The following DNAI7 variants were observed in gnomAD, a reference collection of about 807,000 sequenced individuals.
DNAI7 encodes cancer susceptibility 1.
A neutral mutation model predicts 86.6 loss-of-function variants in DNAI7; 78 were observed. The ratio of observed to expected loss-of-function variants is 0.90; its 90% CI spans 0.75 to 1.09. The LOEUF (loss-of-function observed/expected upper bound fraction) is 1.09. DNAI7 is among the 50% of genes least tolerant of loss of function. The pLI is 0.00. For missense variants in DNAI7, 753 were observed against 810.2 expected, an observed-to-expected ratio of 0.93 and a Z score of 0.86; for synonymous variants, 274 against 273.0, an observed-to-expected ratio of 1.00 and a Z score of -0.04.
rs953667246 is a variant in DNAI7 at position 25,195,089 on chromosome 12, G to C, written c.-11C>G. The C allele has an allele frequency of 3.1e-6, 5 of 1,614,002 alleles. No individual in the cohort carries two copies. In the African/African-American group the frequency reaches 5.3e-5, roughly 17 times the overall value. On this transcript the variant is annotated 5_prime_UTR_variant, in exon 1 of 16. Coordinates refer to ENST00000395987, the MANE Select transcript of DNAI7 (RefSeq NM_018272.5). The stretch of plus-strand genomic sequence containing the variant: ...TGCCTTGCTCACCATTAAGAGTCAA[G>C]CTCCACTGCAGTAGTCCGCAGAGTC...
chr12:25,166,960 C>T (rs1947552423), intron 2 of DNAI7, among the ~76,000 whole-genome samples: 2 of 152,126 alleles, frequency 1.3e-5, no homozygotes, highest in Non-Finnish European at 2.9e-5. Context: ...TTGAGTCTCC[C>T]ACAATTACCA....
chr12:25,121,652 T>C, intron 11 of DNAI7, 101 bp downstream of exon 11: 1 of 940,756 alleles, frequency 1.1e-6, no homozygotes, highest in Non-Finnish European at 1.6e-6. Flanking sequence ...TTCCTTTGTG[T>C]TTAATAAGGT....
At chr12:25,160,910 C>A (rs1310563263) in intron 3 of DNAI7, among the ~76,000 whole-genome samples, 1 of 152,038 alleles carries the variant, frequency 6.6e-6, no homozygotes, top group Non-Finnish European at 1.5e-5. Context: ...TTATCTCTGG[C>A]AACCCTAATT....
intron 14 of DNAI7, 140 bp from the exon 15 acceptor site, chr12:25,110,380 C>T: frequency 1.6e-6 from 1 of 614,128 alleles, no homozygotes; most frequent in Non-Finnish European, 2.9e-6. Flanking sequence ...CCTCTCTCAA[C>T]ACTGGGCAAT....
intron 12 of DNAI7, among the ~76,000 whole-genome samples, chr12:25,115,561 A>G (rs1333508913): frequency 6.6e-6 from 1 of 152,216 alleles, no homozygotes; most frequent in African/African-American, 2.4e-5. Flanking sequence ...TGAAAGGCTA[A>G]TAAGTACTTA....
At chr12:25,152,075 T>C (rs931460434) in intron 6 of DNAI7, among the ~76,000 whole-genome samples, 1 of 152,250 alleles carries the variant, frequency 6.6e-6, no homozygotes, top group Admixed American at 6.5e-5. Context: ...TTATCCTAAC[T>C]TGACGTGACA....
chr12:25,139,706 G>C (rs967149472), intron 9 of DNAI7, among the ~76,000 whole-genome samples: 4 of 152,102 alleles, frequency 2.6e-5, no homozygotes, highest in Admixed American at 2.6e-4. Flanking sequence ...CGGGGGATGG[G>C]GTGATAGGGG....
chr12:25,164,693 G>A (rs1947236912), intron 2 of DNAI7, among the ~76,000 whole-genome samples: 1 of 152,044 alleles, frequency 6.6e-6, no homozygotes, highest in African/African-American at 2.4e-5. Context: ...TGTTCCCAGT[G>A]CAACTCATCC....
chr12:25,111,231 C>T (rs1938752774), intron 14 of DNAI7, among the ~76,000 whole-genome samples: 1 of 152,154 alleles, frequency 6.6e-6, no homozygotes, highest in Admixed American at 6.5e-5. Flanking sequence ...ATGCTAGATG[C>T]TAGAAGAATC....
intron 2 of DNAI7, among the ~76,000 whole-genome samples, chr12:25,176,906 T>C (rs999354954): frequency 1.4e-5 from 2 of 146,728 alleles, no homozygotes; most frequent in Admixed American, 6.8e-5. Context: ...ATTTTCTTTT[T>C]TTTTTTTTTT....
At chr12:25,125,353 C>T (rs142685511) in intron 9 of DNAI7, among the ~76,000 whole-genome samples, 11,008 of 152,186 alleles carry the variant, frequency 0.072, 422 homozygotes, top group South Asian at 0.13. Context: ...TTTTGATTTA[C>T]ATTTCTCTAA....
intron 5 of DNAI7, 40 bp downstream of exon 5, chr12:25,155,271 G>C: frequency 9.2e-7 from 1 of 1,083,852 alleles, no homozygotes; most frequent in South Asian, 1.5e-5. Flanking sequence ...CCCTCTTGTG[G>C]TGACAAAGGT....
intron 2 of DNAI7, among the ~76,000 whole-genome samples, chr12:25,168,970 C>T (rs1263676181): frequency 6.6e-6 from 1 of 152,182 alleles, no homozygotes; most frequent in Admixed American, 6.5e-5. Context: ...GGTTCCCATG[C>T]TGCCCCTAAT....
intron 2 of DNAI7, among the ~76,000 whole-genome samples, chr12:25,170,626 G>T (rs1172230648): frequency 1.3e-5 from 2 of 152,000 alleles, no homozygotes; most frequent in Non-Finnish European, 2.9e-5. Flanking sequence ...TGGAAGAAAT[G>T]GACTTAACAG....
At position 25,119,145 on chromosome 12, in the gene DNAI7, C is replaced by T. The variant is rs1940773780; in HGVS notation, c.1396G>A (p.Gly466Ser). The T allele has an allele frequency of 6.3e-7, 1 of 1,592,144 alleles. No homozygotes were observed. Residue 466 changes from glycine to serine, a missense_variant and splice_region_variant, in exon 12 of 16, where the codon GGT (glycine) becomes AGT (serine). Coordinates refer to ENST00000395987, the MANE Select transcript of DNAI7 (RefSeq NM_018272.5). ...DPVVVRWDAE[G>S]KHWRTDGISN... ...TATTACATAATTATAAAAGCTGTAC[C>T]TTCAGCATCCCACCTTACAACCACA... is the stretch of plus-strand genomic sequence containing the variant.
chr12:25,151,129 T>C (rs973459930), intron 6 of DNAI7, among the ~76,000 whole-genome samples: 1 of 152,094 alleles, frequency 6.6e-6, no homozygotes, highest in African/African-American at 2.4e-5. Flanking sequence ...TAGCGTAGGG[T>C]AGTATGGACT....
In DNAI7 at chr12:25,111,819, T is replaced by C; in HGVS notation, c.1732A>G (p.Ile578Val). The C allele has an allele frequency of 4.4e-6, 7 of 1,601,416 alleles. No individual in the cohort carries two copies. The highest frequency in any genetic ancestry group is 6.0e-6 in the Non-Finnish European group (7 of 1,174,596). Residue 578 changes from isoleucine (I) to valine (V), a missense_variant, in exon 14 of 16, where the codon ATC (isoleucine) becomes GTC (valine). Physicochemically the swap from Ile to Val is conservative, Grantham distance 29 (BLOSUM62 3). Transcript: ENST00000395987. Reference sequence around the variant, plus strand: ...AAATGAGAGTGTCTAGTAGGAAAGATATTCAGTCCAGCTTCTTTCAAAGCA... The same window carrying C: ...AAATGAGAGTGTCTAGTAGGAAAGACATTCAGTCCAGCTTCTTTCAAAGCA... The part of the protein sequence containing the change: ...IIALKEAGLN[I>V]FPTRHSHFYV...
intron 6 of DNAI7, among the ~76,000 whole-genome samples, chr12:25,151,274 C>T (rs1433963126): frequency 6.6e-6 from 1 of 152,080 alleles, no homozygotes; most frequent in South Asian, 2.1e-4. Flanking sequence ...TATGAGAACT[C>T]AGAAAGCCAA....
intron 2 of DNAI7, among the ~76,000 whole-genome samples, chr12:25,178,023 G>C (rs1949129753): frequency 1.3e-5 from 2 of 152,146 alleles, no homozygotes; most frequent in South Asian, 4.1e-4. Context: ...TCCAGATTGA[G>C]CCTGGTAACA....
Sources: gnomAD v4.1 joint callset for allele counts (sites outside exome capture counted in the v4.1 genomes callset) on GRCh38, gnomAD v4.1.1 for gene constraint, MANE v1.5 for transcripts, NCBI Gene and HGNC (gene_info 2026-07-23, HGNC 2026-07-21) for gene names.